Variants in RAD54L2 observed in about 807,000 individuals in gnomAD.
The protein encoded by RAD54L2 is RAD54 like 2.
Under a neutral mutation model 138.4 loss-of-function variants are expected in RAD54L2, and 27 were observed. The observed-to-expected ratio is 0.20, with a 90% CI of 0.14 to 0.27. The LOEUF (loss-of-function observed/expected upper bound fraction) is 0.27, where lower values mean the gene tolerates loss of function less well. Ranked by LOEUF, RAD54L2 falls within the 10% of genes least tolerant of loss-of-function variation. The pLI is 1.00. For missense variants in RAD54L2, 1,396 were observed against 1,890.2 expected, an observed-to-expected ratio of 0.74 and a Z score of 4.85; for synonymous variants, 644 against 723.2, an observed-to-expected ratio of 0.89 and a Z score of 1.76.
chr3:51,628,671 T>C (rs889074894), intron 4 of RAD54L2, among the ~76,000 whole-genome samples: 1 of 152,114 alleles, frequency 6.6e-6, no homozygotes, highest in African/African-American at 2.4e-5. Context: ...ATTTCAGGCA[T>C]GAGCCACTGT....
intron 2 of RAD54L2, among the ~76,000 whole-genome samples, chr3:51,550,567 C>T (rs926647293): frequency 4.6e-5 from 7 of 151,932 alleles, no homozygotes; most frequent in Non-Finnish European, 1.0e-4. Flanking sequence ...TTTCGAGACC[C>T]GCCTGGGCAA....
Position 51,538,932 on chromosome 3 carries a change from G to T in RAD54L2, c.-117+17G>T, listed in dbSNP as rs1553670675. Among the ~76,000 whole-genome samples the T allele has an allele frequency of 6.6e-6, 1 of 152,170 alleles. No homozygotes were observed. The highest frequency in any genetic ancestry group is 2.4e-5 in the African/African-American group (1 of 41,450). On this transcript the variant is annotated intron_variant, in intron 1 of 22. Coordinates refer to ENST00000684192, the MANE Select transcript of RAD54L2 (RefSeq NM_015106.4). ...GCGCAGGAGGTGAGACGCCGGTGCC[G>T]GTTCCTCGCTCCCGGCCGGGGCCGC...
chr3:51,611,260 CTTT>C (rs539990270), intron 3 of RAD54L2, among the ~76,000 whole-genome samples: 1 of 135,776 alleles, frequency 7.4e-6, no homozygotes, highest in African/African-American at 2.7e-5. Flanking sequence ...TGCTTGTTGC[CTTT>C]TTTTTTTTTT....
chr3:51,626,311 AC>A (rs1700680230), intron 3 of RAD54L2, among the ~76,000 whole-genome samples: 2 of 151,686 alleles, frequency 1.3e-5, no homozygotes, highest in South Asian at 2.1e-4. Flanking sequence ...AAGCCTGCCT[AC>A]CCAGTGAACA....
chr3:51,666,174 C>CTTTTTTGTTT lies in RAD54L2; in HGVS notation c.*2760_*2761insGTTTTTTTTT, dbSNP rs1701906540. ...AGTGCTACCAGGTCCATGGTTTTTG[C>CTTTTTTGTTT]TTTTTTTTTTTTTTTTTTTTTTTTT... On this transcript the variant is annotated 3_prime_UTR_variant, in exon 23 of 23. Transcript: ENST00000684192. 3.4e-5 allele frequency: 2 copies of CTTTTTTGTTT among 58,704 alleles called. No individual in the cohort carries two copies. Among genetic ancestry groups the CTTTTTTGTTT allele is most frequent in the Admixed American group, 3.1e-4 (1 of 3,258 alleles). 3.6% of individuals were successfully genotyped at this position (58,704 alleles called of 1,614,324 possible). A position where few individuals can be genotyped will look rare whatever the true frequency, so the allele number is the denominator to read the frequency against.
chr3:51,540,422 T>G (rs1428163929), intron 1 of RAD54L2, among the ~76,000 whole-genome samples: 1 of 152,218 alleles, frequency 6.6e-6, no homozygotes, highest in Non-Finnish European at 1.5e-5. Flanking sequence ...GTACACTGTC[T>G]CCCTGTGACA....
At chr3:51,616,599 G>A (rs1700448358) in intron 3 of RAD54L2, among the ~76,000 whole-genome samples, 1 of 151,894 alleles carries the variant, frequency 6.6e-6, no homozygotes, top group Non-Finnish European at 1.5e-5. Flanking sequence ...AGGCTGAGGT[G>A]GATGGATCAC....
At chr3:51,615,571 A>G (rs980196040) in intron 3 of RAD54L2, among the ~76,000 whole-genome samples, 5 of 152,238 alleles carry the variant, frequency 3.3e-5, no homozygotes, top group African/African-American at 1.2e-4. Context: ...GTCAGGCATA[A>G]TGATACAATG....
chr3:51,567,683 C>A (rs1699247062), intron 2 of RAD54L2, among the ~76,000 whole-genome samples: 1 of 151,864 alleles, frequency 6.6e-6, no homozygotes, highest in Non-Finnish European at 1.5e-5. Flanking sequence ...TGAATCTATC[C>A]AAGCTCAAAA....
chr3:51,578,388 C>T (rs1699529575), intron 2 of RAD54L2, among the ~76,000 whole-genome samples: 2 of 152,072 alleles, frequency 1.3e-5, no homozygotes, highest in Admixed American at 6.6e-5. Flanking sequence ...TAATTCAATT[C>T]CTATGCATTT....
chr3:51,566,881 A>T (rs760038933), intron 2 of RAD54L2, among the ~76,000 whole-genome samples: 3 of 151,970 alleles, frequency 2.0e-5, no homozygotes, highest in Non-Finnish European at 2.9e-5. Context: ...TAAACCTCAA[A>T]CTGATTTGAG....
At chr3:51,567,966 G>A (rs6445791) in intron 2 of RAD54L2, among the ~76,000 whole-genome samples, 132,653 of 150,168 alleles carry the variant, frequency 0.88, 58,727 homozygotes, top group East Asian at 0.94. Context: ...AAAAAAGAAT[G>A]TCTTAAAAAT....
At chr3:51,591,223 T>C (rs1397683269) in intron 3 of RAD54L2, among the ~76,000 whole-genome samples, 1 of 152,214 alleles carries the variant, frequency 6.6e-6, no homozygotes, top group East Asian at 1.9e-4. Flanking sequence ...GAACTTTTAA[T>C]GTTCAGTCTA....
intron 3 of RAD54L2, among the ~76,000 whole-genome samples, chr3:51,594,016 A>C (rs1418196540): frequency 6.7e-6 from 1 of 148,688 alleles, no homozygotes; most frequent in Non-Finnish European, 1.5e-5. Context: ...TCCCCCCATA[A>C]GCATTTTGAC....
intron 2 of RAD54L2, among the ~76,000 whole-genome samples, chr3:51,577,468 G>C (rs979870835): frequency 6.6e-6 from 1 of 152,134 alleles, no homozygotes; most frequent in East Asian, 1.9e-4. Context: ...CATTATTATT[G>C]TTTGGGAGTC....
chr3:51,639,172 A>G (rs530516006), intron 12 of RAD54L2: 3 of 523,144 alleles, frequency 5.7e-6, no homozygotes, highest in Non-Finnish European at 1.0e-5. Flanking sequence ...TTGATTATGT[A>G]TCAAACATAC....
At chr3:51,621,023 A>C (rs1227380957) in intron 3 of RAD54L2, among the ~76,000 whole-genome samples, 1 of 152,160 alleles carries the variant, frequency 6.6e-6, no homozygotes, top group Non-Finnish European at 1.5e-5. Flanking sequence ...GGTAAAAAAA[A>C]AACAACACAG....
intron 3 of RAD54L2, among the ~76,000 whole-genome samples, chr3:51,607,254 GCCTT>G (rs1192004758): frequency 6.6e-6 from 1 of 151,434 alleles, no homozygotes; most frequent in Admixed American, 6.6e-5. Context: ...GGGCCCTGCC[GCCTT>G]CCGCAGTGTT....
intron 2 of RAD54L2, among the ~76,000 whole-genome samples, chr3:51,584,714 T>C (rs1480839430): frequency 6.6e-6 from 1 of 150,612 alleles, no homozygotes; most frequent in East Asian, 1.9e-4. Context: ...CTTTCTTTTG[T>C]CTTTGAATTA....
Sources: allele counts gnomAD v4.1 joint callset (sites outside exome capture counted in the v4.1 genomes callset), GRCh38; gene constraint gnomAD v4.1.1; transcripts MANE v1.5; gene names NCBI Gene and HGNC (gene_info 2026-07-23, HGNC 2026-07-21).